Variants in PTPRD observed in about 807,000 individuals in gnomAD.
The protein encoded by PTPRD is protein tyrosine phosphatase receptor type D.
Under a neutral mutation model 214.5 loss-of-function variants are expected in PTPRD, and 34 were observed. The ratio of observed to expected loss-of-function variants is 0.16; its 90% CI spans 0.12 to 0.21. The LOEUF (loss-of-function observed/expected upper bound fraction) is 0.21, where lower values mean the gene tolerates loss of function less well. Ranked by LOEUF, PTPRD falls within the 10% of genes least tolerant of loss-of-function variation. PTPRD has a pLI of 1.00. For missense variants in PTPRD, 2,545 were observed against 2,398.7 expected (o/e 1.06, Z -1.27); for synonymous variants, 1,128 against 845.7 (o/e 1.33, Z -5.79).
At chr9:9,489,561 C>T (rs1223730291) in intron 8 of PTPRD, among the ~76,000 whole-genome samples, 1 of 151,904 alleles carries the variant, frequency 6.6e-6, no homozygotes, top group Non-Finnish European at 1.5e-5. Flanking sequence ...TGATTTAGAG[C>T]TAGAAAACCT....
intron 8 of PTPRD, among the ~76,000 whole-genome samples, chr9:9,481,412 T>C (rs1004322940): frequency 2.0e-5 from 3 of 152,066 alleles, no homozygotes; most frequent in African/African-American, 7.2e-5. Flanking sequence ...TTGAAGATAA[T>C]ATGTCAAAAT....
At chr9:8,926,294 T>C (rs927949166) in intron 11 of PTPRD, among the ~76,000 whole-genome samples, 4 of 152,174 alleles carry the variant, frequency 2.6e-5, no homozygotes, top group Non-Finnish European at 5.9e-5. Context: ...CCAATCTGTA[T>C]AGGTTGCCTA....
Position 9,143,781 on chromosome 9 carries a change from C to T in PTPRD, c.-143+39523G>A, listed in dbSNP as rs192239426. Among the ~76,000 whole-genome samples, 412 of 152,318 alleles carry T rather than the reference C, an allele frequency of 2.7e-3. 1 individual carries two copies. The highest frequency in any genetic ancestry group is 4.8e-3 in the Non-Finnish European group (324 of 68,026). The stretch of plus-strand genomic sequence containing the variant: ...AGAGGAAGGCTTGAGACTGCCAGTT[C>T]TTGGGTAGAAAATCATTATGGTTTG... On this transcript the variant is annotated intron_variant, in intron 10 of 45. Coordinates refer to ENST00000381196, the MANE Select transcript of PTPRD (RefSeq NM_002839.4).
At chr9:9,732,211 T>C (rs1010316326) in intron 7 of PTPRD, among the ~76,000 whole-genome samples, 1 of 152,100 alleles carries the variant, frequency 6.6e-6, no homozygotes, top group Admixed American at 6.6e-5. Flanking sequence ...AACAACCTTA[T>C]TAGCTTTGAG....
At chr9:8,587,331 T>A (rs1163172268) in intron 14 of PTPRD, among the ~76,000 whole-genome samples, 2 of 152,256 alleles carry the variant, frequency 1.3e-5, no homozygotes, top group African/African-American at 4.8e-5. Context: ...TTAGATTTTA[T>A]ATTTTAATAA....
chr9:8,709,059 A>C (rs1466490243), intron 12 of PTPRD, among the ~76,000 whole-genome samples: 2 of 151,904 alleles, frequency 1.3e-5, no homozygotes, highest in African/African-American at 2.4e-5. Flanking sequence ...ATTTCATAGA[A>C]GTAGAAAGTG....
At chr9:9,292,110 T>C (rs1323280516) in intron 9 of PTPRD, among the ~76,000 whole-genome samples, 1 of 151,322 alleles carries the variant, frequency 6.6e-6, no homozygotes, top group Non-Finnish European at 1.5e-5. Context: ...GAGGGCCTAC[T>C]GAAAAATATA....
intron 2 of PTPRD, among the ~76,000 whole-genome samples, chr9:10,513,504 C>G (rs531686100): frequency 2.0e-5 from 3 of 152,194 alleles, no homozygotes; most frequent in African/African-American, 7.2e-5. Context: ...CAATTGCAAG[C>G]ATACAGGAAA....
intron 7 of PTPRD, among the ~76,000 whole-genome samples, chr9:9,577,905 G>T (rs911160873): frequency 4.0e-5 from 6 of 151,748 alleles, no homozygotes; most frequent in Admixed American, 3.9e-4. Context: ...AATTAGCTGG[G>T]TATGGTAGTG....
At chr9:9,963,358 TG>T (rs2094482621) in intron 4 of PTPRD, among the ~76,000 whole-genome samples, 1 of 152,174 alleles carries the variant, frequency 6.6e-6, no homozygotes, top group Non-Finnish European at 1.5e-5. Flanking sequence ...TTAACAGCAA[TG>T]GGAATTCTAT....
chr9:10,221,363 GA>G (rs534098243), intron 3 of PTPRD, among the ~76,000 whole-genome samples: 47 of 151,918 alleles, frequency 3.1e-4, no homozygotes, highest in African/African-American at 9.6e-4. Flanking sequence ...ATATGATATG[GA>G]AAAAATTAGA....
intron 2 of PTPRD, among the ~76,000 whole-genome samples, chr9:10,364,323 A>G (rs1353341804): frequency 6.6e-6 from 1 of 152,026 alleles, no homozygotes; most frequent in African/African-American, 2.4e-5. Flanking sequence ...GTTTTAGGTG[A>G]CAAAGCCAAA....
At chr9:9,340,994 T>C (rs781651223) in intron 9 of PTPRD, among the ~76,000 whole-genome samples, 1 of 152,178 alleles carries the variant, frequency 6.6e-6, no homozygotes, top group Non-Finnish European at 1.5e-5. Context: ...ATATTGAATG[T>C]GGTATGTATA....
At chr9:8,555,432 A>C (rs1426651213) in intron 14 of PTPRD, among the ~76,000 whole-genome samples, 1 of 152,012 alleles carries the variant, frequency 6.6e-6, no homozygotes, top group Non-Finnish European at 1.5e-5. Context: ...AAGCAAACAA[A>C]CTCTTACTTG....
chr9:10,237,709 G>A (rs923046967), intron 3 of PTPRD, among the ~76,000 whole-genome samples: 3 of 151,748 alleles, frequency 2.0e-5, no homozygotes, highest in African/African-American at 7.3e-5. Flanking sequence ...CCCCTGACAT[G>A]GAACATGTTA....
At chr9:9,090,011 T>C (rs1040918601) in intron 10 of PTPRD, among the ~76,000 whole-genome samples, 5 of 152,236 alleles carry the variant, frequency 3.3e-5, no homozygotes, top group African/African-American at 1.2e-4. Context: ...TGTGTAATGA[T>C]CAAATTCAGG....
At chr9:10,391,846 A>G (rs372811171) in intron 2 of PTPRD, among the ~76,000 whole-genome samples, 4 of 151,846 alleles carry the variant, frequency 2.6e-5, no homozygotes, top group African/African-American at 9.6e-5. Flanking sequence ...TATTTCTCAG[A>G]TATTTTTTCA....
chr9:9,503,387 T>C (rs2096482859), intron 8 of PTPRD, among the ~76,000 whole-genome samples: 1 of 151,694 alleles, frequency 6.6e-6, no homozygotes, highest in Non-Finnish European at 1.5e-5. Context: ...CTCACATTTT[T>C]TAGTGTCTTT....
At chr9:8,953,276 C>T (rs1465477818) in intron 11 of PTPRD, among the ~76,000 whole-genome samples, 1 of 151,794 alleles carries the variant, frequency 6.6e-6, no homozygotes, top group Non-Finnish European at 1.5e-5. Context: ...AGATAACTGG[C>T]TGTCCATATG....
Sources: gnomAD v4.1 joint callset for allele counts (sites outside exome capture counted in the v4.1 genomes callset) on GRCh38, gnomAD v4.1.1 for gene constraint, MANE v1.5 for transcripts, NCBI Gene and HGNC (gene_info 2026-07-23, HGNC 2026-07-21) for gene names.